AFAP1L2: variants seen among roughly 807,000 people sequenced by gnomAD.
AFAP1L2 encodes the protein actin filament associated protein 1 like 2.
A neutral mutation model predicts 99.3 loss-of-function variants in AFAP1L2; 46 were observed. The ratio of observed to expected loss-of-function variants is 0.46; its 90% CI spans 0.37 to 0.59. AFAP1L2 has a LOEUF of 0.59. AFAP1L2 is among the 20% of genes least tolerant of loss of function. AFAP1L2 has a pLI of 0.00. For synonymous variants in AFAP1L2, 397 were observed against 419.1 expected, an observed-to-expected ratio of 0.95 and a Z score of 0.64; for missense variants, 959 against 1,034.9, an observed-to-expected ratio of 0.93 and a Z score of 1.01.
Position 114,363,024 on chromosome 10 carries a change from C to T in AFAP1L2, c.17-22293G>A, listed in dbSNP as rs1202442802. 4.1e-6 allele frequency: 4 copies of T among 985,286 alleles called. No homozygotes were observed. In the Admixed American group the frequency reaches 2.5e-4, roughly 61 times the overall value. The allele number at this position is 985,286 out of a possible 1,614,324, so 61.0% of individuals were successfully genotyped here. On this transcript the variant is annotated intron_variant, in intron 1 of 18. Transcript: ENST00000304129. ...GTGGGGAGGGACAGCTGCATGGAGC[C>T]CACCAGAGAGGACTGTGCCCAGGCT...
intron 1 of AFAP1L2, among the ~76,000 whole-genome samples, chr10:114,374,914 T>C (rs1590694262): frequency 6.6e-6 from 1 of 151,696 alleles, no homozygotes; most frequent in Non-Finnish European, 1.5e-5. Flanking sequence ...ATGGCTTTGG[T>C]GAGAAGGGAG....
Position 114,344,243 on chromosome 10 carries a change from C to A in AFAP1L2, c.17-3512G>T, listed in dbSNP as rs60056419. On this transcript the variant is annotated intron_variant, in intron 1 of 18. Coordinates refer to ENST00000304129, the MANE Select transcript of AFAP1L2 (RefSeq NM_001001936.3). ...TAACAGCTATTCATGAGTTTCCTGT[C>A]GGCCCCAGGAACTCAAAAGCAGTGA... Among the ~76,000 whole-genome samples the A allele has an allele frequency of 1.1e-4, 16 of 152,156 alleles. No individual in the cohort carries two copies. In the East Asian group the frequency reaches 1.7e-3, roughly 17 times the overall value.
At position 114,301,384 on chromosome 10, in the gene AFAP1L2, GT is replaced by G; in HGVS notation, c.1511del (p.Asp504AlafsTer84). The G allele has an allele frequency of 6.2e-7, 1 of 1,614,208 alleles. No individual in the cohort carries two copies. ...CTGTGAGCTCTGACAGGTCCACGTC[GT>G]CATACAGCTCCTCCTGGCGGTCCTG... The part of the protein sequence containing the change: ...PSQDRQEELY[D>X]DVDLSELTAA... On this transcript the variant is annotated frameshift_variant, in exon 13 of 19. Transcript: ENST00000304129. LOFTEE classifies it high-confidence loss of function.
intron 18 of AFAP1L2, chr10:114,296,763 A>C (rs1016265930): frequency 6.5e-6 from 4 of 617,846 alleles, no homozygotes; most frequent in Non-Finnish European, 1.1e-5. Flanking sequence ...CTCACAGGGA[A>C]GGATGCTCGA....
At chr10:114,281,083 G>C in the AFAP1L2 span, 1 of 152,326 alleles carries the variant, frequency 6.6e-6, no homozygotes. Flanking sequence ...TTGACTTGGC[G>C]TGTACTCCAT....
chr10:114,363,925 C>G (rs937678300), intron 1 of AFAP1L2, among the ~76,000 whole-genome samples: 2 of 151,676 alleles, frequency 1.3e-5, no homozygotes, highest in Non-Finnish European at 2.9e-5. Context: ...TGCCCAAAGA[C>G]ACATAGCTAA....
chr10:114,346,334 G>C (rs964731210), intron 1 of AFAP1L2, among the ~76,000 whole-genome samples: 1 of 152,170 alleles, frequency 6.6e-6, no homozygotes. Flanking sequence ...TCGTCTGGGT[G>C]TGTGTCTATC....
At chr10:114,355,882 A>T (rs1450267666) in intron 1 of AFAP1L2, among the ~76,000 whole-genome samples, 2 of 152,094 alleles carry the variant, frequency 1.3e-5, no homozygotes, top group East Asian at 3.9e-4. Context: ...CTGAGGTAGG[A>T]GGAGAATCTG....
chr10:114,290,471 G>A (rs997747559), downstream of AFAP1L2: 5 of 1,458,866 alleles, frequency 3.4e-6, no homozygotes, highest in African/African-American at 5.6e-5. Flanking sequence ...TTCGTTCAGT[G>A]GAAGAAATTA....
At chr10:114,335,224 A>G (rs2135716365) in intron 2 of AFAP1L2, among the ~76,000 whole-genome samples, 1 of 152,352 alleles carries the variant, frequency 6.6e-6, no homozygotes. Flanking sequence ...TTCTACTGCC[A>G]GAAACTTATC....
chr10:114,369,422 C>G (rs1294428152), intron 1 of AFAP1L2, among the ~76,000 whole-genome samples: 1 of 151,820 alleles, frequency 6.6e-6, no homozygotes, highest in African/African-American at 2.4e-5. Flanking sequence ...GGTGAAACCC[C>G]GTCTCTACTA....
chr10:114,351,728 C>T lies in AFAP1L2; in HGVS notation c.17-10997G>A, dbSNP rs538979273. On this transcript the variant is annotated intron_variant, in intron 1 of 18. Coordinates refer to ENST00000304129, the MANE Select transcript of AFAP1L2 (RefSeq NM_001001936.3). ...GGCCCCTGGTGGCTGCTGGAAACTG[C>T]AGTGCCTCTCACTTGAACTTATGCG... 4.3e-4 allele frequency among the ~76,000 whole-genome samples: 65 copies of T among 152,334 alleles called. 1 individual carries two copies. The highest frequency in any genetic ancestry group is 1.5e-3 in the African/African-American group (62 of 41,592).
chr10:114,285,408 A>G, the AFAP1L2 span, among the ~76,000 whole-genome samples: 2 of 152,248 alleles, frequency 1.3e-5, no homozygotes, highest in African/African-American at 4.8e-5. Context: ...AGAGTTTTAA[A>G]TAAGATTATG....
In AFAP1L2 at chr10:114,311,968, G is replaced by A. The variant is rs538995730; in HGVS notation, c.793-1525C>T. On this transcript the variant is annotated intron_variant, in intron 7 of 18. Transcript: ENST00000304129. The stretch of plus-strand genomic sequence containing the variant: ...CCCCACTGCCAAAGCGCAAGAGTGG[G>A]CGGCTTCTGAGAGCAGGCATTTCCA... Among the ~76,000 whole-genome samples the A allele has an allele frequency of 1.3e-3, 199 of 152,308 alleles. 1 individual carries two copies. Among genetic ancestry groups the A allele is most frequent in the African/African-American group, 4.6e-3 (191 of 41,570 alleles).
intron 1 of AFAP1L2, among the ~76,000 whole-genome samples, chr10:114,344,955 G>C (rs1388227380): frequency 6.6e-6 from 1 of 152,100 alleles, no homozygotes; most frequent in East Asian, 1.9e-4. Flanking sequence ...AAACTAGCCA[G>C]GGGTGGTGGC....
intron 5 of AFAP1L2, among the ~76,000 whole-genome samples, chr10:114,320,792 C>T (rs1175837042): frequency 2.0e-5 from 3 of 152,374 alleles, no homozygotes; most frequent in Middle Eastern, 3.4e-3. Flanking sequence ...AGGCAGGCCC[C>T]TGCTGGCCCG....
At position 114,295,006 on chromosome 10, in the gene AFAP1L2, C is replaced by T. The variant is rs2039970265; in HGVS notation, c.*1036G>A. The T allele has an allele frequency of 1.6e-5, 12 of 743,194 alleles. No individual in the cohort carries two copies. The highest frequency in any genetic ancestry group is 2.3e-5 in the African/African-American group (1 of 43,512). The allele number at this position is 743,194 out of a possible 1,614,324, so 46.0% of individuals were successfully genotyped here. A position where few individuals can be genotyped will look rare whatever the true frequency, so the allele number is the denominator to read the frequency against. On this transcript the variant is annotated 3_prime_UTR_variant, in exon 19 of 19. Coordinates refer to ENST00000304129, the MANE Select transcript of AFAP1L2 (RefSeq NM_001001936.3). ...GGCAGAGATAATAGATGAAATGTTTCAACCTGTGTTAAAAAAAAAAAAAAA... is the reference window on the plus strand; with the variant it reads ...GGCAGAGATAATAGATGAAATGTTTTAACCTGTGTTAAAAAAAAAAAAAAA...
chr10:114,325,469 C>T (rs1403254815), intron 4 of AFAP1L2, among the ~76,000 whole-genome samples: 1 of 152,218 alleles, frequency 6.6e-6, no homozygotes, highest in Non-Finnish European at 1.5e-5. Flanking sequence ...GGTCCTGTAC[C>T]AACAGAGCTG....
rs2040021654 is a variant in AFAP1L2 at position 114,295,238 on chromosome 10, T to TAATA, written c.*800_*803dup. ...CAGCAATGAATCTGTAAACACAGAG[T>TAATA]AATATTTTTCCTACAGTAAAGAGTC... is the stretch of plus-strand genomic sequence containing the variant. On this transcript the variant is annotated 3_prime_UTR_variant, in exon 19 of 19. Coordinates refer to ENST00000304129, the MANE Select transcript of AFAP1L2 (RefSeq NM_001001936.3). 1 of 985,732 alleles carries TAATA rather than the reference T, an allele frequency of 1.0e-6. No homozygotes were observed. Among genetic ancestry groups the TAATA allele is most frequent in the Non-Finnish European group, 1.2e-6 (1 of 829,828 alleles). 61.1% of individuals were successfully genotyped at this position (985,732 alleles called of 1,614,324 possible).
Sources: allele counts gnomAD v4.1 joint callset (sites outside exome capture counted in the v4.1 genomes callset), GRCh38; gene constraint gnomAD v4.1.1; transcripts MANE v1.5; gene names NCBI Gene and HGNC (gene_info 2026-07-23, HGNC 2026-07-21).